TRIM69: variants seen among roughly 807,000 people sequenced by gnomAD.
The protein encoded by TRIM69 is tripartite motif containing 69.
Under a neutral mutation model 37.7 loss-of-function variants are expected in TRIM69, and 29 were observed. The observed-to-expected ratio is 0.77, with a 90% confidence interval of 0.57 to 1.05. The LOEUF (loss-of-function observed/expected upper bound fraction) is 1.05, where lower values mean the gene tolerates loss of function less well. Among genes scored for constraint, TRIM69 ranks in the 50% least tolerant of loss-of-function variants. The pLI is 0.00. For synonymous variants in TRIM69, 209 were observed against 212.4 expected (o/e 0.98, Z 0.14); for missense variants, 596 against 579.9 (o/e 1.03, Z -0.28).
At chr15:44,739,450 G>C (rs2087232837) in intron 1 of TRIM69, among the ~76,000 whole-genome samples, 1 of 152,262 alleles carries the variant, frequency 6.6e-6, no homozygotes, top group African/African-American at 2.4e-5. Context: ...GGAAGCGCAA[G>C]GGGTCAGGGA....
chr15:44,762,529 A>G (rs1298557651), intron 6 of TRIM69, among the ~76,000 whole-genome samples: 1 of 151,946 alleles, frequency 6.6e-6, no homozygotes, highest in African/African-American at 2.4e-5. Context: ...AAGTTGTCTC[A>G]TGTCATCGAT....
intron 6 of TRIM69, among the ~76,000 whole-genome samples, chr15:44,765,733 G>A (rs1295883851): frequency 2.0e-5 from 3 of 150,306 alleles, no homozygotes; most frequent in Non-Finnish European, 4.4e-5. Context: ...CAGCCTGGGG[G>A]ACAGAGCAAG....
chr15:44,763,187 C>T (rs538213448), intron 6 of TRIM69, among the ~76,000 whole-genome samples: 1 of 152,130 alleles, frequency 6.6e-6, no homozygotes, highest in Non-Finnish European at 1.5e-5. Context: ...CTTTAGGTGC[C>T]CCTTGGCTGT....
Position 44,755,232 on chromosome 15 carries a change from A to G in TRIM69, c.339A>G (p.Pro113=), listed in dbSNP as rs141565556. Residue 113 remains proline, a synonymous_variant, in exon 2 of 7, where the codon CCA becomes CCG. Transcript: ENST00000329464. ...AGTTACCCTTACTCAAGGGCCATCC[A>G]CAGTGCCCAGAGCATGGAGAGAACC... The part of the protein sequence containing the change: ...IKKLPLLKGH[P]QCPEHGENLK... 1 of 1,614,218 alleles carries G rather than the reference A, an allele frequency of 6.2e-7. No individual in the cohort carries two copies. The highest frequency in any genetic ancestry group is 1.3e-5 in the African/African-American group (1 of 75,052).
intron 3 of TRIM69, chr15:44,758,198 G>C (rs2087692854): frequency 5.7e-6 from 1 of 175,608 alleles, no homozygotes; most frequent in Admixed American, 5.6e-5. Flanking sequence ...GTGTAACAGT[G>C]GCATTCCCCC....
In TRIM69 at chr15:44,755,115, G is replaced by A; in HGVS notation, c.222G>A (p.Lys74=). The A allele has an allele frequency of 3.7e-6, 6 of 1,614,196 alleles. No individual in the cohort carries two copies. The South Asian group carries it at 5.5e-5, about 15-fold the overall frequency. The change falls in exon 2 of 7, where the codon AAG becomes AAA. Residue 74 remains lysine, a synonymous_variant. Coordinates refer to ENST00000329464, the MANE Select transcript of TRIM69 (RefSeq NM_182985.5). Reference sequence around the variant, plus strand: ...AAGACTTTTGGAGGCTGCAAGCAAAGGAAACATTCTGTCCTGAGTGTAAGA... The same window carrying A: ...AAGACTTTTGGAGGCTGCAAGCAAAAGAAACATTCTGTCCTGAGTGTAAGA... ...CIQDFWRLQA[K]ETFCPECKML...
rs386783548 is a variant in TRIM69, at chr15:44,738,412, CTTTA to C, written c.6+1704_6+1707del. ...ATAAAGTGATTCCTGCCAGCCAGGGCTTTATAAGGATGAATATCAATTCCTGACT... is the reference window on the plus strand; with the variant it reads ...ATAAAGTGATTCCTGCCAGCCAGGGCTAAGGATGAATATCAATTCCTGACT... On this transcript the variant is annotated intron_variant, in intron 1 of 6. Transcript: ENST00000329464. Among the ~76,000 whole-genome samples the C allele has an allele frequency of 1.6e-4, 24 of 152,126 alleles. 1 individual carries two copies. Among genetic ancestry groups the C allele is most frequent in the African/African-American group, 5.8e-4 (24 of 41,492 alleles).
At chr15:44,750,715 C>CTTTTTT (rs869059418) in intron 1 of TRIM69, among the ~76,000 whole-genome samples, 39 of 102,838 alleles carry the variant, frequency 3.8e-4, no homozygotes, top group East Asian at 1.5e-3. Context: ...ATTACTTTTT[C>CTTTTTT]TTTTTTTTTT....
intron 1 of TRIM69, among the ~76,000 whole-genome samples, chr15:44,739,946 C>G (rs1223891922): frequency 6.6e-6 from 1 of 151,774 alleles, no homozygotes; most frequent in Non-Finnish European, 1.5e-5. Flanking sequence ...GTCCCTGACC[C>G]CTGACCCCCT....
Position 44,744,741 on chromosome 15 carries a change from C to T in TRIM69, c.6+8031C>T, listed in dbSNP as rs190377513. Among the ~76,000 whole-genome samples, 716 of 152,220 alleles carry T rather than the reference C, an allele frequency of 4.7e-3. 11 individuals carry two copies. Among genetic ancestry groups the T allele is most frequent in the African/African-American group, 0.016 (670 of 41,532 alleles). ...ATAGTACAAGTGGGAGCAGCATGGACCTTATTCCCAAAGAACTGTGGCTTT... is the reference window on the plus strand; with the variant it reads ...ATAGTACAAGTGGGAGCAGCATGGATCTTATTCCCAAAGAACTGTGGCTTT... On this transcript the variant is annotated intron_variant, in intron 1 of 6. Transcript: ENST00000329464.
rs2087657152 is a variant in TRIM69, at chr15:44,756,713, G to A, written c.579+250G>A. The A allele has an allele frequency of 1.4e-5, 5 of 356,376 alleles. No individual in the cohort carries two copies. The South Asian group carries it at 5.0e-4, about 36-fold the overall frequency. 22.1% of individuals were successfully genotyped at this position (356,376 alleles called of 1,614,324 possible). On this transcript the variant is annotated intron_variant, in intron 3 of 6. Transcript: ENST00000329464. ...ATCTTTTCGATAGTTCAGTCACCAG[G>A]TGACTGTCGTGGCGTTGAAATGTGT...
rs763092205 is a variant in TRIM69 at position 44,754,935 on chromosome 15, C to T, written c.42C>T (p.Gly14=). The change falls in exon 2 of 7, where the codon GGC becomes GGT. Residue 14 remains glycine (G), a synonymous_variant. Transcript: ENST00000329464. The part of the protein sequence containing the change: ...STNPSSNIDP[G]DYVEMNDSIT... The stretch of plus-strand genomic sequence containing the variant: ...ACCCCTCCTCCAACATCGATCCAGG[C>T]GACTATGTTGAAATGAATGATTCAA... 14 of 1,613,532 alleles carry T rather than the reference C, an allele frequency of 8.7e-6. 1 individual carries two copies. Among genetic ancestry groups the T allele is most frequent in the African/African-American group, 8.0e-5 (6 of 74,888 alleles).
intron 1 of TRIM69, chr15:44,754,596 A>G (rs539787775): frequency 3.2e-4 from 102 of 320,968 alleles, no homozygotes; most frequent in Non-Finnish European, 5.0e-4. Flanking sequence ...GCAGAAGTTG[A>G]AAAATAAAAC....
chr15:44,759,155 T>C (rs2087719609), intron 4 of TRIM69, among the ~76,000 whole-genome samples: 1 of 152,190 alleles, frequency 6.6e-6, no homozygotes, highest in Non-Finnish European at 1.5e-5. Flanking sequence ...TTCTCAAAAA[T>C]AAAAATGTTG....
intron 2 of TRIM69, 132 bp from the exon 3 acceptor site, chr15:44,756,236 A>T (rs1400289099): frequency 6.5e-6 from 4 of 614,824 alleles, no homozygotes; most frequent in Non-Finnish European, 1.2e-5. Context: ...AAGAACTATG[A>T]TACAGGGGAA....
chr15:44,738,387 AT>A (rs1379218149), intron 1 of TRIM69, among the ~76,000 whole-genome samples: 1 of 152,004 alleles, frequency 6.6e-6, no homozygotes, highest in Non-Finnish European at 1.5e-5. Flanking sequence ...GTGCTTTCTT[AT>A]AAAGTGATTC....
rs758490016 is a variant in TRIM69, at chr15:44,767,254, C to G, written c.985C>G (p.Pro329Ala). ...AGGCCTGTCTCCACTAACTCTGGACCCTAAAACAGCTCACCCAAATCTGGT... is the reference window on the plus strand; with the variant it reads ...AGGCCTGTCTCCACTAACTCTGGACGCTAAAACAGCTCACCCAAATCTGGT... ...CPGLSPLTLD[P>A]KTAHPNLVLS... Residue 329 changes from proline (P) to alanine (A), a missense_variant, in exon 7 of 7, where the codon CCT (proline) becomes GCT (alanine). Coordinates refer to ENST00000329464, the MANE Select transcript of TRIM69 (RefSeq NM_182985.5). 2.5e-6 allele frequency: 4 copies of G among 1,613,554 alleles called. No individual in the cohort carries two copies. The highest frequency in any genetic ancestry group is 3.4e-6 in the Non-Finnish European group (4 of 1,179,898).
intron 1 of TRIM69, chr15:44,753,070 T>C (rs1209445882): frequency 6.6e-6 from 1 of 152,222 alleles, no homozygotes; most frequent in Non-Finnish European, 1.5e-5. Flanking sequence ...TATTGGACTT[T>C]ACCTATGTAG....
intron 1 of TRIM69, among the ~76,000 whole-genome samples, chr15:44,751,574 T>C (rs2087532585): frequency 6.6e-6 from 1 of 152,118 alleles, no homozygotes; most frequent in African/African-American, 2.4e-5. Flanking sequence ...CTCTATTCTT[T>C]ACTCTTTCCT....
Sources: gnomAD v4.1 joint callset for allele counts (sites outside exome capture counted in the v4.1 genomes callset) on GRCh38, gnomAD v4.1.1 for gene constraint, MANE v1.5 for transcripts, NCBI Gene and HGNC (gene_info 2026-07-23, HGNC 2026-07-21) for gene names.